Variants in DST observed in about 807,000 individuals in gnomAD.
The protein encoded by DST is dystonin, also known as bullous pemphigoid antigen.
A neutral mutation model predicts 875.2 loss-of-function variants in DST; 253 were observed. That is an observed-to-expected ratio of 0.29 (90% CI 0.26 to 0.32). The LOEUF is 0.32. Among genes scored for constraint, DST ranks in the 10% least tolerant of loss-of-function variants. The pLI, the probability that DST is intolerant of heterozygous loss-of-function variation, is 1.00. For synonymous variants in DST, 3,124 were observed against 3,197.1 expected (o/e 0.98, Z 0.77); for missense variants, 8,287 against 9,111.6 (o/e 0.91, Z 3.68).
chr6:56,812,504 A>G (rs2099761636), intron 4 of DST, among the ~76,000 whole-genome samples: 1 of 152,200 alleles, frequency 6.6e-6, no homozygotes. Flanking sequence ...TAAATCTTAT[A>G]AGGGATGAAA....
At chr6:56,578,769 T>C in intron 50 of DST, 45 bp downstream of exon 50, 3 of 1,601,210 alleles carry the variant, frequency 1.9e-6, no homozygotes, top group Non-Finnish European at 1.7e-6. Flanking sequence ...CACCTTTCTT[T>C]AGAATTTACC....
At chr6:56,851,730 A>T in intron 3 of DST, 126 bp from the exon 4 acceptor site, 1 of 1,552,274 alleles carries the variant, frequency 6.4e-7, no homozygotes, top group South Asian at 1.2e-5. Flanking sequence ...CATATCCTGC[A>T]CCATCCTCGG....
Position 56,642,053 on chromosome 6 carries a change from T to C in DST, c.1921A>G (p.Ile641Val). The change falls in exon 17 of 104, where the codon ATT (isoleucine) becomes GTT (valine). Residue 641 changes from isoleucine to valine, a missense_variant. Physicochemically the swap from Ile to Val is conservative, Grantham distance 29. This residue lies in a region of DST where 1,160 missense variants were observed against 1,424.3 expected (regional missense o/e 0.81). Coordinates refer to ENST00000680361, the MANE Select transcript of DST (RefSeq NM_001374736.1). ...SGVQFQNEAE[I>V]AGYILECENL... ...TCACATTCAAGTATATACCCAGCAA[T>C]TTCTGCTTCATTCTGAAACTGCACT... 6.2e-7 allele frequency: 1 copy of C among 1,613,098 alleles called. No homozygotes were observed. Among genetic ancestry groups the C allele is most frequent in the Non-Finnish European group, 8.5e-7 (1 of 1,179,258 alleles).
intron 71 of DST, among the ~76,000 whole-genome samples, 161 bp downstream of exon 71, chr6:56,517,037 A>G (rs1331050245): frequency 6.6e-6 from 1 of 152,134 alleles, no homozygotes; most frequent in African/African-American, 2.4e-5. Flanking sequence ...TATTCCTTTC[A>G]CTGTTATTCT....
intron 5 of DST, among the ~76,000 whole-genome samples, chr6:56,716,571 C>G (rs1338650806): frequency 6.6e-6 from 1 of 152,098 alleles, no homozygotes; most frequent in Non-Finnish European, 1.5e-5. Context: ...GCAAAGAGAA[C>G]CGGGGGGATG....
chr6:56,517,441 T>G, intron 70 of DST, 60 bp downstream of exon 70: 1 of 1,600,512 alleles, frequency 6.2e-7, no homozygotes, highest in Non-Finnish European at 8.5e-7. Flanking sequence ...AAGCACATTT[T>G]ATAGAGTTGG....
chr6:56,663,183 C>T (rs2099054197), intron 10 of DST, among the ~76,000 whole-genome samples: 5 of 152,182 alleles, frequency 3.3e-5, no homozygotes, highest in African/African-American at 1.2e-4. Flanking sequence ...GATGTAGACA[C>T]TAACTCTTAC....
At chr6:56,560,885 A>G (rs1395827777) in intron 57 of DST, among the ~76,000 whole-genome samples, 1 of 152,168 alleles carries the variant, frequency 6.6e-6, no homozygotes, top group Non-Finnish European at 1.5e-5. Context: ...GCTACCATAT[A>G]AAGCCATTTT....
intron 61 of DST, among the ~76,000 whole-genome samples, chr6:56,538,064 C>A (rs953077902): frequency 6.6e-6 from 1 of 152,140 alleles, no homozygotes; most frequent in Non-Finnish European, 1.5e-5. Flanking sequence ...CTCACTGCAA[C>A]CTCTGTCTCC....
At chr6:56,684,150 C>A (rs2099169526) in intron 9 of DST, among the ~76,000 whole-genome samples, 1 of 152,180 alleles carries the variant, frequency 6.6e-6, no homozygotes, top group Non-Finnish European at 1.5e-5. Context: ...AACAGAAGCA[C>A]CCTATTTTTA....
chr6:56,460,605 G>A (rs2094279764), intron 102 of DST: 1 of 165,966 alleles, frequency 6.0e-6, no homozygotes, highest in African/African-American at 2.4e-5. Context: ...AGAGTTAATG[G>A]TGTATTGCTA....
chr6:56,908,718 C>T (rs899175956), intron 2 of DST, among the ~76,000 whole-genome samples: 5 of 152,098 alleles, frequency 3.3e-5, no homozygotes, highest in East Asian at 3.9e-4. Context: ...AGATACGGGT[C>T]GTAAAGACCT....
intron 4 of DST, among the ~76,000 whole-genome samples, chr6:56,780,852 G>T (rs1467857520): frequency 6.6e-6 from 1 of 151,942 alleles, no homozygotes; most frequent in Non-Finnish European, 1.5e-5. Flanking sequence ...GGGTTTTTAT[G>T]GTTTTAGATC....
chr6:56,602,993 T>C lies in DST; in HGVS notation c.11196A>G (p.Lys3732=). The change falls in exon 43 of 104, where the codon AAA becomes AAG. Residue 3732 remains lysine, a synonymous_variant. Transcript: ENST00000680361. ...LAVSHEEFLH[K]LKSFSDWVSE... ...ATACCCAATCTGAGAATGACTTAAG[T>C]TTATGCAGAAATTCTTCATGGGAAA... 1 of 1,589,610 alleles carries C rather than the reference T, an allele frequency of 6.3e-7. No homozygotes were observed. The highest frequency in any genetic ancestry group is 1.4e-5 in the African/African-American group (1 of 73,496).
intron 4 of DST, among the ~76,000 whole-genome samples, chr6:56,830,350 T>A (rs1160066689): frequency 6.6e-6 from 1 of 152,204 alleles, no homozygotes; most frequent in African/African-American, 2.4e-5. Context: ...TTATATATTA[T>A]GGAGAAAAAA....
In DST at chr6:56,662,247, C is replaced by G. The variant is rs551143173; in HGVS notation, c.1214+8394G>C. 3.9e-5 allele frequency among the ~76,000 whole-genome samples: 6 copies of G among 152,244 alleles called. No homozygotes were observed. In the South Asian group the frequency reaches 1.2e-3, roughly 32 times the overall value. On this transcript the variant is annotated intron_variant, in intron 10 of 103. Coordinates refer to ENST00000680361, the MANE Select transcript of DST (RefSeq NM_001374736.1). ...TGGCAGACAATTCAGAAGTACGTCT[C>G]AAAATTTTAAATGTAATACCCTTTG...
Position 56,611,962 on chromosome 6 carries a change from A to G in DST, c.5059-366T>C, listed in dbSNP as rs146912709. Among the ~76,000 whole-genome samples the G allele has an allele frequency of 3.9e-5, 6 of 152,300 alleles. No individual in the cohort carries two copies. In the East Asian group the frequency reaches 1.2e-3, roughly 29 times the overall value. On this transcript the variant is annotated intron_variant, in intron 37 of 103. Coordinates refer to ENST00000680361, the MANE Select transcript of DST (RefSeq NM_001374736.1). ...ACTGCAGTCCTCAAAAAGACACATGACTGTGGGACACTACTTCCAAAGGGC... is the reference window on the plus strand; with the variant it reads ...ACTGCAGTCCTCAAAAAGACACATGGCTGTGGGACACTACTTCCAAAGGGC...
In DST at chr6:56,580,747, T is replaced by TG. The variant is rs778262353; in HGVS notation, c.12904-1811dup. On this transcript the variant is annotated intron_variant, in intron 49 of 103. Coordinates refer to ENST00000680361, the MANE Select transcript of DST (RefSeq NM_001374736.1). The stretch of plus-strand genomic sequence containing the variant: ...TTTCTTTTTTTTTTTTTTTTTTGGT[T>TG]GGGGGGGCAGCGTCTCACTCTGTTG... Among the ~76,000 whole-genome samples, 223 of 142,548 alleles carry TG rather than the reference T, an allele frequency of 1.6e-3. 2 individuals carry two copies. Among genetic ancestry groups the TG allele is most frequent in the East Asian group, 4.0e-3 (20 of 4,940 alleles). 93.5% of individuals were successfully genotyped at this position (142,548 alleles called of 152,430 possible).
At chr6:56,609,989 T>C (rs2098531573) in intron 39 of DST, among the ~76,000 whole-genome samples, 1 of 152,196 alleles carries the variant, frequency 6.6e-6, no homozygotes. Context: ...AAGAAGATGC[T>C]AGGGCATCCT....
Sources: allele counts gnomAD v4.1 joint callset (sites outside exome capture counted in the v4.1 genomes callset), GRCh38; gene constraint gnomAD v4.1.1; regional missense constraint gnomAD v4.1.1; transcripts MANE v1.5; gene names NCBI Gene and HGNC (gene_info 2026-07-23, HGNC 2026-07-21).